The following NCOA7 variants were observed in gnomAD, a reference collection of about 807,000 sequenced individuals.
The protein encoded by NCOA7 is nuclear receptor coactivator 7.
NCOA7 carries 45 observed loss-of-function variants against 104.3 expected under a neutral mutation model. The observed-to-expected ratio is 0.43, with a 90% CI of 0.34 to 0.55. The LOEUF is 0.55. Ranked by LOEUF, NCOA7 falls within the 20% of genes least tolerant of loss-of-function variation. The probability of loss-of-function intolerance (pLI) is 0.02; values close to 1 mark genes in which losing one functional copy is unlikely to be tolerated. For synonymous variants in NCOA7, 398 were observed against 402.3 expected (o/e 0.99, Z 0.13); for missense variants, 1,041 against 1,119.7 (o/e 0.93, Z 1.00).
At chr6:125,794,093 C>A (rs1405476571) in intron 1 of NCOA7, among the ~76,000 whole-genome samples, 1 of 152,120 alleles carries the variant, frequency 6.6e-6, no homozygotes, top group South Asian at 2.1e-4. Flanking sequence ...ATCCTTAACA[C>A]CCCCCCATAT....
intron 5 of NCOA7, 109 bp from the exon 6 acceptor site, chr6:125,880,981 C>T (rs972689377): frequency 9.5e-6 from 7 of 738,442 alleles, no homozygotes; most frequent in South Asian, 4.8e-5. Flanking sequence ...CAACCTAGGT[C>T]GTAATCATGC....
intron 1 of NCOA7, among the ~76,000 whole-genome samples, chr6:125,806,532 G>T (rs1006640090): frequency 2.0e-5 from 3 of 152,098 alleles, no homozygotes; most frequent in African/African-American, 7.2e-5. Context: ...TAGTTTACCC[G>T]TGGGGCTTGA....
chr6:125,922,934 A>G (rs535482345), intron 13 of NCOA7, 100 bp downstream of exon 13: 1 of 1,114,694 alleles, frequency 9.0e-7, no homozygotes, highest in African/African-American at 1.6e-5. Flanking sequence ...CCCAGATTCC[A>G]CAGTTAACAG....
chr6:125,913,745 A>G (rs1478675263), intron 10 of NCOA7: 6 of 762,446 alleles, frequency 7.9e-6, no homozygotes, highest in Non-Finnish European at 9.6e-6. Context: ...AAGGGAAACA[A>G]CAGCTCGGAA....
chr6:125,874,158 C>G (rs1783167245), intron 3 of NCOA7, among the ~76,000 whole-genome samples: 1 of 152,170 alleles, frequency 6.6e-6, no homozygotes, highest in Non-Finnish European at 1.5e-5. Flanking sequence ...AACCCTGTCT[C>G]TACTAAAAAT....
At chr6:125,800,599 C>A (rs1273128796) in intron 1 of NCOA7, among the ~76,000 whole-genome samples, 1 of 152,168 alleles carries the variant, frequency 6.6e-6, no homozygotes, top group East Asian at 1.9e-4. Flanking sequence ...CTGTGTCCAG[C>A]CTAAACAAAG....
chr6:125,912,550 A>G (rs919995070), intron 10 of NCOA7, among the ~76,000 whole-genome samples: 3 of 152,222 alleles, frequency 2.0e-5, no homozygotes, highest in African/African-American at 7.2e-5. Context: ...CTGGGGGCCC[A>G]CGGTATTTAT....
intron 2 of NCOA7, among the ~76,000 whole-genome samples, chr6:125,840,850 G>T (rs1234327176): frequency 3.6e-5 from 3 of 82,408 alleles, no homozygotes; most frequent in African/African-American, 1.6e-4. Flanking sequence ...ACCTTTTATG[G>T]TTTTTTTTGT....
intron 1 of NCOA7, among the ~76,000 whole-genome samples, chr6:125,791,765 C>A (rs376524003): frequency 6.6e-6 from 1 of 152,074 alleles, no homozygotes; most frequent in Admixed American, 6.6e-5. Context: ...AAAGATGTAC[C>A]GGGTCAGCCA....
intron 3 of NCOA7, among the ~76,000 whole-genome samples, chr6:125,857,007 G>A (rs748112945): frequency 2.0e-5 from 3 of 152,158 alleles, no homozygotes; most frequent in Admixed American, 6.5e-5. Flanking sequence ...ATCGGCAGCC[G>A]AAAGCATGTG....
At chr6:125,860,670 A>C (rs181439577) in intron 3 of NCOA7, among the ~76,000 whole-genome samples, 1 of 152,152 alleles carries the variant, frequency 6.6e-6, no homozygotes, top group Non-Finnish European at 1.5e-5. Flanking sequence ...TATTAAAGGA[A>C]TTCATTATTT....
intron 2 of NCOA7, among the ~76,000 whole-genome samples, chr6:125,846,784 C>T (rs1213065953): frequency 1.3e-5 from 2 of 152,176 alleles, no homozygotes; most frequent in Admixed American, 1.3e-4. Flanking sequence ...TAAACTGTGC[C>T]CTGTGACCTT....
intron 1 of NCOA7, among the ~76,000 whole-genome samples, chr6:125,793,875 G>A (rs1406409669): frequency 6.6e-6 from 1 of 152,170 alleles, no homozygotes; most frequent in Non-Finnish European, 1.5e-5. Context: ...CCTCAACAGT[G>A]ATACAAAATG....
intron 10 of NCOA7, among the ~76,000 whole-genome samples, chr6:125,891,607 C>T (rs1784628878): frequency 1.3e-5 from 2 of 152,146 alleles, no homozygotes; most frequent in South Asian, 4.2e-4. Flanking sequence ...AACACACCTG[C>T]CAAGAGCAAA....
intron 13 of NCOA7, among the ~76,000 whole-genome samples, chr6:125,926,333 G>C (rs1321924800): frequency 1.3e-5 from 2 of 151,670 alleles, no homozygotes; most frequent in Non-Finnish European, 2.9e-5. Flanking sequence ...AAGGGAGGGG[G>C]GTGGTGGAAT....
chr6:125,927,902 G>T, intron 14 of NCOA7, 144 bp downstream of exon 14: 7 of 750,162 alleles, frequency 9.3e-6, no homozygotes, highest in South Asian at 1.6e-5. Flanking sequence ...ACTGTAGCTC[G>T]CAAACTGCTT....
At position 125,889,818 on chromosome 6, in the gene NCOA7, C is replaced by T. The variant is rs748859976; in HGVS notation, c.1764C>T (p.Pro588=). The T allele has an allele frequency of 3.4e-5, 55 of 1,613,030 alleles. No homozygotes were observed. Among genetic ancestry groups the T allele is most frequent in the African/African-American group, 1.1e-4 (8 of 74,842 alleles). Residue 588 remains proline, a synonymous_variant, in exon 9 of 16, where the codon CCC becomes CCT. Coordinates refer to ENST00000392477, the MANE Select transcript of NCOA7 (RefSeq NM_181782.5). ...PDKTWVKKGE[P]LPVKLNSSTE... ...AGACCTGGGTGAAAAAGGGAGAGCCCCTCCCGGTAAAACTGAACTCTTCTA... is the reference window on the plus strand; with the variant it reads ...AGACCTGGGTGAAAAAGGGAGAGCCTCTCCCGGTAAAACTGAACTCTTCTA...
intron 2 of NCOA7, among the ~76,000 whole-genome samples, chr6:125,851,662 C>T (rs941224025): frequency 2.0e-5 from 3 of 152,104 alleles, no homozygotes; most frequent in South Asian, 2.1e-4. Context: ...TTAATTTCTT[C>T]GAGAAATTGC....
At chr6:125,859,871 A>T (rs191368368) in intron 3 of NCOA7, among the ~76,000 whole-genome samples, 27 of 152,354 alleles carry the variant, frequency 1.8e-4, no homozygotes, top group South Asian at 6.2e-4. Context: ...TTAGGAAAAC[A>T]CAACAGTTCA....
Sources: gnomAD v4.1 joint callset for allele counts (sites outside exome capture counted in the v4.1 genomes callset) on GRCh38, gnomAD v4.1.1 for gene constraint, MANE v1.5 for transcripts, NCBI Gene and HGNC (gene_info 2026-07-23, HGNC 2026-07-21) for gene names.